EVI5: variants seen among roughly 807,000 people sequenced by gnomAD.
EVI5 encodes ecotropic viral integration site 5 protein homolog.
In EVI5, 73 loss-of-function variants were observed where a neutral mutation model predicts 112.0. That is an observed-to-expected ratio of 0.65 (90% CI 0.54 to 0.79). The LOEUF is 0.79. Ranked by LOEUF, EVI5 falls within the 30% of genes least tolerant of loss-of-function variation. The pLI is 0.00. For missense variants in EVI5, 900 were observed against 968.8 expected (o/e 0.93, Z 0.94); for synonymous variants, 305 against 319.9 (o/e 0.95, Z 0.50).
intron 19 of EVI5, among the ~76,000 whole-genome samples, chr1:92,535,767 G>C (rs566352009): frequency 6.6e-6 from 1 of 152,220 alleles, no homozygotes; most frequent in South Asian, 2.1e-4. Context: ...CGTGGGGTGG[G>C]GGGCTAGGGG....
intron 1 of EVI5, among the ~76,000 whole-genome samples, chr1:92,744,124 T>C (rs931166406): frequency 4.6e-5 from 7 of 152,224 alleles, no homozygotes; most frequent in Admixed American, 3.3e-4. Context: ...TCCAAATATC[T>C]TTCTAACTAT....
At chr1:92,636,583 A>G (rs752031486) in intron 13 of EVI5, among the ~76,000 whole-genome samples, 1 of 152,224 alleles carries the variant, frequency 6.6e-6, no homozygotes, top group Non-Finnish European at 1.5e-5. Flanking sequence ...ACGCTGATCA[A>G]ATCTGATTCA....
At chr1:92,594,312 A>G (rs1386220434) in intron 18 of EVI5, among the ~76,000 whole-genome samples, 14 of 152,074 alleles carry the variant, frequency 9.2e-5, no homozygotes, top group Non-Finnish European at 1.6e-4. Context: ...ACAAGAAATG[A>G]GGAAAGGATT....
At chr1:92,616,131 G>C (rs1403579006) in intron 16 of EVI5, among the ~76,000 whole-genome samples, 1 of 152,158 alleles carries the variant, frequency 6.6e-6, no homozygotes, top group East Asian at 1.9e-4. Flanking sequence ...TTAATGTAGA[G>C]GATGGAATCC....
intron 16 of EVI5, chr1:92,622,357 T>C (rs183856644): frequency 1.7e-4 from 74 of 427,156 alleles, no homozygotes; most frequent in East Asian, 1.3e-3. Context: ...ACAGTGTTGA[T>C]AGCAGACACA....
intron 13 of EVI5, chr1:92,647,528 C>G: frequency 1.9e-6 from 1 of 521,548 alleles, no homozygotes; most frequent in Non-Finnish European, 3.6e-6. Flanking sequence ...TTGGAAAATT[C>G]TGCAAAATTG....
chr1:92,772,281 A>C (rs1683514505), intron 1 of EVI5, among the ~76,000 whole-genome samples: 1 of 152,090 alleles, frequency 6.6e-6, no homozygotes, highest in Non-Finnish European at 1.5e-5. Context: ...ACAAGAAATA[A>C]TACTACAAGT....
intron 1 of EVI5, among the ~76,000 whole-genome samples, chr1:92,736,941 T>G (rs1677542763): frequency 6.6e-6 from 1 of 152,192 alleles, no homozygotes; most frequent in African/African-American, 2.4e-5. Context: ...TCTAATGAAA[T>G]TTTTGTTATT....
intron 10 of EVI5, among the ~76,000 whole-genome samples, chr1:92,669,461 T>C (rs985218807): frequency 1.0e-4 from 15 of 143,816 alleles, no homozygotes; most frequent in African/African-American, 3.7e-4. Flanking sequence ...GGCAGGAGAA[T>C]CACTTGAATC....
rs528278999 is a variant in EVI5 at position 92,539,598 on chromosome 1, T to C, written c.2166+24044A>G. Among the ~76,000 whole-genome samples the C allele has an allele frequency of 6.6e-4, 100 of 150,988 alleles. 1 individual carries two copies. In the Middle Eastern group the frequency reaches 0.01, roughly 16 times the overall value. ...ACCCATTCTCCCAAAGATCCGCCTA[T>C]GTTTATACATAAAATATTTGTAAAT... On this transcript the variant is annotated intron_variant, in intron 19 of 19. Transcript: ENST00000684568.
Position 92,676,655 on chromosome 1 carries a change from G to A in EVI5, c.1158+503C>T, listed in dbSNP as rs536549771. ...CATATAGGGTATTTATATGCCCTTC[G>A]AATTGAAAATCTGCTTGATTTTCTG... On this transcript the variant is annotated intron_variant, in intron 10 of 19. Transcript: ENST00000684568. Among the ~76,000 whole-genome samples the A allele has an allele frequency of 6.8e-4, 104 of 152,202 alleles. 2 individuals carry two copies. In the South Asian group the frequency reaches 0.02, roughly 29 times the overall value.
At position 92,585,426 on chromosome 1, in the gene EVI5, C is replaced by G. The variant is rs183012267; in HGVS notation, c.2070+19881G>C. On this transcript the variant is annotated intron_variant, in intron 18 of 19. Coordinates refer to ENST00000684568, the MANE Select transcript of EVI5 (RefSeq NM_001350197.2). ...ACTGCTTGATCCCAGGAGTTCAAAG[C>G]TGTAGTACGCTGTGATTGCACCACT... is the stretch of plus-strand genomic sequence containing the variant. 3.9e-4 allele frequency among the ~76,000 whole-genome samples: 59 copies of G among 152,130 alleles called. 1 individual carries two copies. In the East Asian group the frequency reaches 0.011, roughly 29 times the overall value.
rs1361829259 is a variant in EVI5 at position 92,735,617 on chromosome 1, T to TTA, written c.149+779_149+780dup. Among the ~76,000 whole-genome samples, 7 of 142,862 alleles carry TTA rather than the reference T, an allele frequency of 4.9e-5. No individual in the cohort carries two copies. In the South Asian group the frequency reaches 6.4e-4, roughly 13 times the overall value. The allele number at this position is 142,862 out of a possible 152,430, so 93.7% of individuals were successfully genotyped here. A position where few individuals can be genotyped will look rare whatever the true frequency, so the allele number is the denominator to read the frequency against. On this transcript the variant is annotated intron_variant, in intron 2 of 19. Transcript: ENST00000684568. ...ATATTATATTATGTATTATATATAATTATATGATATATGATATATGTCATA... is the reference window on the plus strand; with the variant it reads ...ATATTATATTATGTATTATATATAATTATATATGATATATGATATATGTCATA...
At chr1:92,669,667 C>T (rs1381675817) in intron 10 of EVI5, among the ~76,000 whole-genome samples, 1 of 150,118 alleles carries the variant, frequency 6.7e-6, no homozygotes, top group East Asian at 2.0e-4. Flanking sequence ...TTGTTAGGTC[C>T]TATTCTATTT....
At chr1:92,622,489 A>T in intron 16 of EVI5, 1 of 194,148 alleles carries the variant, frequency 5.2e-6, no homozygotes, top group Non-Finnish European at 1.1e-5. Context: ...TGGATCAATA[A>T]ATTGAGGTAT....
At chr1:92,756,434 GCTT>G (rs1680964407) in intron 1 of EVI5, 1 of 539,310 alleles carries the variant, frequency 1.9e-6, no homozygotes, top group African/African-American at 1.9e-5. Context: ...TACATGTATG[GCTT>G]CTTCGAGGAT....
chr1:92,660,336 A>G lies in EVI5; in HGVS notation c.1392+2383T>C, dbSNP rs553981982. ...ATAAGCCAGACACAGAAAGACAAAT[A>G]CCACATGATCTCACTCATATGTGGA... On this transcript the variant is annotated intron_variant, in intron 13 of 19. Transcript: ENST00000684568. Among the ~76,000 whole-genome samples, 8 of 152,166 alleles carry G rather than the reference A, an allele frequency of 5.3e-5. No homozygotes were observed. In the South Asian group the frequency reaches 1.7e-3, roughly 32 times the overall value.
chr1:92,674,409 ATCATTC>A (rs1385760596), intron 10 of EVI5, among the ~76,000 whole-genome samples: 10 of 152,196 alleles, frequency 6.6e-5, no homozygotes, highest in African/African-American at 2.4e-4. Context: ...GCTGAAAACC[ATCATTC>A]TCAGCAAACT....
chr1:92,720,142 A>T (rs1290258453), intron 2 of EVI5, among the ~76,000 whole-genome samples: 8 of 151,984 alleles, frequency 5.3e-5, no homozygotes. Context: ...ATGAAGCTAC[A>T]ATTGACTTTC....
Sources: allele counts gnomAD v4.1 joint callset (sites outside exome capture counted in the v4.1 genomes callset), GRCh38; gene constraint gnomAD v4.1.1; transcripts MANE v1.5; gene names NCBI Gene and HGNC (gene_info 2026-07-23, HGNC 2026-07-21).